The following MARCHF1 variants were observed in gnomAD, a reference collection of about 807,000 sequenced individuals.
The protein encoded by MARCHF1 is E3 ubiquitin-protein ligase MARCHF1.
In MARCHF1, 40 loss-of-function variants were observed where a neutral mutation model predicts 54.2. The ratio of observed to expected loss-of-function variants is 0.74; its 90% CI spans 0.57 to 0.96. MARCHF1 has a LOEUF of 0.96. MARCHF1 is among the 40% of genes least tolerant of loss of function. The pLI is 0.00. For missense variants in MARCHF1, 586 were observed against 656.5 expected, an observed-to-expected ratio of 0.89 and a Z score of 1.17; for synonymous variants, 236 against 236.3, an observed-to-expected ratio of 1.00 and a Z score of 0.01.
intron 5 of MARCHF1, among the ~76,000 whole-genome samples, chr4:163,658,861 GATGGGTTGAT>G (rs1182657885): frequency 1.3e-5 from 2 of 151,876 alleles, no homozygotes; most frequent in South Asian, 4.2e-4. Context: ...ATACCTAGGT[GATGGGTTGAT>G]AGGTGCAGCA....
Position 164,044,494 on chromosome 4 carries a change from A to G in MARCHF1, c.-247-55785T>C, listed in dbSNP as rs1219491176. ...AGGGGGAAGTCTGCCCCATAATCCA[A>G]TCACCTCCTATCAGGCCCTTCTTCC... On this transcript the variant is annotated intron_variant, in intron 2 of 9. Transcript: ENST00000514618. Among the ~76,000 whole-genome samples, 7 of 152,096 alleles carry G rather than the reference A, an allele frequency of 4.6e-5. No homozygotes were observed. The South Asian group carries it at 1.2e-3, about 27-fold the overall frequency.
At chr4:164,100,342 G>C (rs542988520) in intron 2 of MARCHF1, among the ~76,000 whole-genome samples, 1 of 152,304 alleles carries the variant, frequency 6.6e-6, no homozygotes, top group South Asian at 2.1e-4. Context: ...ACGGTATGTG[G>C]TATATCTCCA....
chr4:164,141,566 C>T (rs1046919327), intron 1 of MARCHF1, among the ~76,000 whole-genome samples: 5 of 152,102 alleles, frequency 3.3e-5, no homozygotes, highest in South Asian at 2.1e-4. Context: ...AGCTCTCTTA[C>T]GGAAAAAAGA....
chr4:164,025,265 C>T (rs545787427), intron 2 of MARCHF1, among the ~76,000 whole-genome samples: 58 of 152,204 alleles, frequency 3.8e-4, no homozygotes, highest in African/African-American at 1.4e-3. Context: ...GAACACTCCA[C>T]CCAAAGATCA....
At chr4:164,038,202 A>T (rs1049431859) in intron 2 of MARCHF1, among the ~76,000 whole-genome samples, 21 of 152,250 alleles carry the variant, frequency 1.4e-4, no homozygotes, top group Non-Finnish European at 2.6e-4. Flanking sequence ...AAGCTTAATT[A>T]AAAAATAAAG....
At chr4:164,345,492 A>G (rs555527815) in intron 1 of MARCHF1, among the ~76,000 whole-genome samples, 1 of 151,634 alleles carries the variant, frequency 6.6e-6, no homozygotes, top group Admixed American at 6.6e-5. Context: ...AATCACTTCA[A>G]CCCAGAGGTA....
At chr4:164,149,973 T>C (rs762250619) in intron 1 of MARCHF1, among the ~76,000 whole-genome samples, 7 of 152,148 alleles carry the variant, frequency 4.6e-5, no homozygotes, top group Non-Finnish European at 1.0e-4. Context: ...AAAATCTCTT[T>C]GTTACTCAAT....
At chr4:163,811,173 T>C (rs1353901437) in intron 4 of MARCHF1, among the ~76,000 whole-genome samples, 1 of 152,130 alleles carries the variant, frequency 6.6e-6, no homozygotes, top group African/African-American at 2.4e-5. Flanking sequence ...ATGTCTTTTG[T>C]CTAATTTTAC....
intron 4 of MARCHF1, among the ~76,000 whole-genome samples, chr4:163,711,866 G>A (rs1745116845): frequency 6.6e-6 from 1 of 152,070 alleles, no homozygotes; most frequent in African/African-American, 2.4e-5. Flanking sequence ...AATGCTATCT[G>A]TTTCTTTCTA....
intron 1 of MARCHF1, among the ~76,000 whole-genome samples, chr4:164,161,755 C>T (rs940818078): frequency 6.6e-6 from 1 of 152,132 alleles, no homozygotes; most frequent in Non-Finnish European, 1.5e-5. Flanking sequence ...CAACTCTTGG[C>T]TCCCAACTGT....
At chr4:163,936,612 C>A (rs1476035671) in intron 3 of MARCHF1, among the ~76,000 whole-genome samples, 8 of 152,156 alleles carry the variant, frequency 5.3e-5, no homozygotes, top group Non-Finnish European at 1.2e-4. Context: ...TGACCTGGGA[C>A]TGAGGCCTCT....
At chr4:163,564,397 A>G (rs1739576078) in intron 8 of MARCHF1, among the ~76,000 whole-genome samples, 4 of 152,226 alleles carry the variant, frequency 2.6e-5, no homozygotes, top group Non-Finnish European at 5.9e-5. Flanking sequence ...TAAGAATAGC[A>G]GCTGAAAGGA....
At chr4:163,777,872 C>T (rs1747348722) in intron 4 of MARCHF1, among the ~76,000 whole-genome samples, 1 of 152,054 alleles carries the variant, frequency 6.6e-6, no homozygotes, top group African/African-American at 2.4e-5. Flanking sequence ...AATAATGATT[C>T]AGAATAATTT....
chr4:163,622,389 A>C (rs1741722117), intron 5 of MARCHF1, among the ~76,000 whole-genome samples: 1 of 151,972 alleles, frequency 6.6e-6, no homozygotes, highest in Non-Finnish European at 1.5e-5. Flanking sequence ...ATGGGAAGAA[A>C]CCCTAAAAAA....
At chr4:163,757,068 A>AT (rs1746698930) in intron 4 of MARCHF1, among the ~76,000 whole-genome samples, 1 of 152,188 alleles carries the variant, frequency 6.6e-6, no homozygotes, top group Non-Finnish European at 1.5e-5. Flanking sequence ...AAATTGAAAT[A>AT]TTTTTTCCTT....
intron 2 of MARCHF1, among the ~76,000 whole-genome samples, chr4:164,033,510 T>G (rs1753926501): frequency 6.6e-6 from 1 of 152,060 alleles, no homozygotes; most frequent in South Asian, 2.1e-4. Flanking sequence ...GGGAGAAAAT[T>G]TTTGCAATCT....
At chr4:163,763,553 C>A (rs1746890376) in intron 4 of MARCHF1, among the ~76,000 whole-genome samples, 1 of 151,934 alleles carries the variant, frequency 6.6e-6, no homozygotes, top group African/African-American at 2.4e-5. Flanking sequence ...CTATGACAAA[C>A]AAAAATGGAA....
intron 4 of MARCHF1, among the ~76,000 whole-genome samples, chr4:163,714,582 T>A (rs774973370): frequency 2.0e-5 from 3 of 152,244 alleles, no homozygotes; most frequent in Non-Finnish European, 4.4e-5. Flanking sequence ...AGGACGGTAA[T>A]TCTACATGTT....
intron 3 of MARCHF1, among the ~76,000 whole-genome samples, chr4:163,948,558 G>C (rs959608530): frequency 6.6e-6 from 1 of 152,154 alleles, no homozygotes; most frequent in African/African-American, 2.4e-5. Context: ...AAGACTGATC[G>C]AGGATAGGTT....
Sources: gnomAD v4.1 joint callset for allele counts (sites outside exome capture counted in the v4.1 genomes callset) on GRCh38, gnomAD v4.1.1 for gene constraint, MANE v1.5 for transcripts, NCBI Gene and HGNC (gene_info 2026-07-23, HGNC 2026-07-21) for gene names.